Variants in MYO10 observed in about 807,000 individuals in gnomAD.
MYO10 encodes myosin X, also known as unconventional myosin-X.
Under a neutral mutation model 257.3 loss-of-function variants are expected in MYO10, and 133 were observed. The ratio of observed to expected loss-of-function variants is 0.52; its 90% CI spans 0.45 to 0.60. The LOEUF (loss-of-function observed/expected upper bound fraction) is 0.60. MYO10 is among the 20% of genes least tolerant of loss of function. The pLI is 0.00. For missense variants in MYO10, 2,399 were observed against 2,635.7 expected, an observed-to-expected ratio of 0.91 and a Z score of 1.97; for synonymous variants, 1,104 against 1,028.6, an observed-to-expected ratio of 1.07 and a Z score of -1.40.
chr5:16,668,429 C>G lies in MYO10; in HGVS notation c.5923G>C (p.Val1975Leu). The stretch of plus-strand genomic sequence containing the variant: ...TAGACGGAGACGGCGTCCGCGCTGA[C>G]ACCCAACCAGAGTTCCTGAGGGAAG... ...GGFPQELWLG[V>L]SADAVSVYKR... is the part of the protein sequence containing the mutation. The change falls in exon 40 of 41, where the codon GTC becomes CTC. Residue 1975 changes from valine (V) to leucine (L), a missense_variant. By Grantham distance (32) the Val-to-Leu change is conservative. Coordinates refer to ENST00000513610, the MANE Select transcript of MYO10 (RefSeq NM_012334.3). 6.2e-7 allele frequency: 1 copy of G among 1,612,706 alleles called. No homozygotes were observed. Among genetic ancestry groups the G allele is most frequent in the Non-Finnish European group, 8.5e-7 (1 of 1,179,422 alleles).
chr5:16,799,531 C>A (rs190467052), intron 3 of MYO10, among the ~76,000 whole-genome samples: 1 of 151,074 alleles, frequency 6.6e-6, no homozygotes, highest in Non-Finnish European at 1.5e-5. Context: ...CTCGCTCTGT[C>A]ATCCAGGCTG....
intron 26 of MYO10, among the ~76,000 whole-genome samples, chr5:16,697,717 A>ATGG (rs60501561): frequency 6.7e-6 from 1 of 149,302 alleles, no homozygotes; most frequent in Non-Finnish European, 1.5e-5. Flanking sequence ...AAAGGTTTTC[A>ATGG]TGGTGGTGAA....
chr5:16,843,766 A>T (rs35374481), intron 2 of MYO10, among the ~76,000 whole-genome samples: 23,864 of 151,750 alleles, frequency 0.16, 2,222 homozygotes, highest in East Asian at 0.28. Flanking sequence ...AGAAAAAAAA[A>T]TTTTTTTGAA....
chr5:16,820,972 CTTATATATA>C (rs1742782404), intron 2 of MYO10, among the ~76,000 whole-genome samples: 1 of 146,346 alleles, frequency 6.8e-6, no homozygotes, highest in Non-Finnish European at 1.5e-5. Context: ...TATAAAACAT[CTTATATATA>C]TTATATAAGA....
chr5:16,716,048 T>A (rs115709176), intron 19 of MYO10, among the ~76,000 whole-genome samples: 2,646 of 100,364 alleles, frequency 0.026, 90 homozygotes, highest in African/African-American at 0.087. Context: ...AGAGTGACAC[T>A]CCGTCTCGAA....
At chr5:16,712,965 G>A (rs1738688729) in intron 19 of MYO10, among the ~76,000 whole-genome samples, 1 of 152,162 alleles carries the variant, frequency 6.6e-6, no homozygotes, top group African/African-American at 2.4e-5. Context: ...TTGGGGGGTG[G>A]CTGACTGTTC....
chr5:16,744,561 C>T (rs374516243), intron 19 of MYO10, among the ~76,000 whole-genome samples: 1 of 152,084 alleles, frequency 6.6e-6, no homozygotes, highest in Non-Finnish European at 1.5e-5. Flanking sequence ...TCAGCAGGCG[C>T]GGCGCAGGGC....
intron 1 of MYO10, among the ~76,000 whole-genome samples, chr5:16,911,895 G>A (rs901772216): frequency 3.9e-5 from 6 of 151,904 alleles, no homozygotes; most frequent in Non-Finnish European, 7.4e-5. Context: ...AAAATTAGCC[G>A]GGTGTGGTGG....
Position 16,672,540 on chromosome 5 carries a change from G to A in MYO10, c.5309+149C>T, listed in dbSNP as rs899119543. On this transcript the variant is annotated intron_variant, in intron 37 of 40. Transcript: ENST00000513610. ...AGGAATCGAGAAAAATAGCGGATAT[G>A]CAAAGTTAAACAGGCATCAACACAG... 15 of 870,348 alleles carry A rather than the reference G, an allele frequency of 1.7e-5. No individual in the cohort carries two copies. In the South Asian group the frequency reaches 1.9e-4, roughly 11 times the overall value. 53.9% of individuals were successfully genotyped at this position (870,348 alleles called of 1,614,324 possible). A position where few individuals can be genotyped will look rare whatever the true frequency, so the allele number is the denominator to read the frequency against.
chr5:16,692,159 G>A (rs866360550), intron 27 of MYO10, among the ~76,000 whole-genome samples: 2 of 152,130 alleles, frequency 1.3e-5, no homozygotes, highest in African/African-American at 2.4e-5. Flanking sequence ...AGTGGCTCAC[G>A]CCTGTAATCC....
At chr5:16,831,698 C>T (rs1331703001) in intron 2 of MYO10, among the ~76,000 whole-genome samples, 1 of 152,022 alleles carries the variant, frequency 6.6e-6, no homozygotes, top group African/African-American at 2.4e-5. Context: ...AAGAATGACA[C>T]AATGGACTTT....
intron 1 of MYO10, among the ~76,000 whole-genome samples, chr5:16,914,858 G>A (rs1745771737): frequency 6.6e-6 from 1 of 152,216 alleles, no homozygotes; most frequent in Non-Finnish European, 1.5e-5. Context: ...AGAAACTTGG[G>A]ATCCCATCTG....
intron 37 of MYO10, among the ~76,000 whole-genome samples, chr5:16,671,946 C>T (rs1736483991): frequency 1.3e-5 from 2 of 152,158 alleles, no homozygotes; most frequent in African/African-American, 4.8e-5. Flanking sequence ...TGTGTTTATA[C>T]TAAGCAGGAA....
chr5:16,764,978 C>T (rs540343619), intron 11 of MYO10, among the ~76,000 whole-genome samples: 12 of 152,162 alleles, frequency 7.9e-5, no homozygotes, highest in South Asian at 6.2e-4. Context: ...TGTGAGCCAC[C>T]GCACCTGGCA....
chr5:16,726,757 AAATAGAAATC>A (rs1315011239), intron 19 of MYO10, among the ~76,000 whole-genome samples: 2 of 152,228 alleles, frequency 1.3e-5, no homozygotes, highest in Non-Finnish European at 2.9e-5. Context: ...TAGCAGCCCA[AAATAGAAATC>A]AACTTCTGAG....
intron 27 of MYO10, among the ~76,000 whole-genome samples, chr5:16,691,337 G>A (rs567597861): frequency 6.6e-6 from 1 of 151,344 alleles, no homozygotes; most frequent in Admixed American, 6.6e-5. Flanking sequence ...AACTAAAATA[G>A]TCTGGTTAGA....
intron 19 of MYO10, among the ~76,000 whole-genome samples, chr5:16,752,368 C>T (rs867002558): frequency 6.6e-6 from 1 of 152,082 alleles, no homozygotes; most frequent in East Asian, 1.9e-4. Flanking sequence ...CTGCAGCCTC[C>T]GCCTCCCGGG....
intron 19 of MYO10, chr5:16,713,219 G>C: frequency 1.3e-6 from 1 of 749,698 alleles, no homozygotes. Context: ...TTTTCTCCCA[G>C]TCTCTATAGA....
intron 15 of MYO10, 84 bp downstream of exon 15, chr5:16,762,461 C>A: frequency 9.2e-7 from 1 of 1,085,118 alleles, no homozygotes. Flanking sequence ...ACAGTTGGGC[C>A]AGCGGACTGA....
Sources: gnomAD v4.1 joint callset for allele counts (sites outside exome capture counted in the v4.1 genomes callset) on GRCh38, gnomAD v4.1.1 for gene constraint, MANE v1.5 for transcripts, NCBI Gene and HGNC (gene_info 2026-07-23, HGNC 2026-07-21) for gene names.